SAMD12: variants seen among roughly 807,000 people sequenced by gnomAD.
SAMD12 encodes the protein sterile alpha motif domain-containing protein 12.
Under a neutral mutation model 15.0 loss-of-function variants are expected in SAMD12, and 9 were observed. That is an observed-to-expected ratio of 0.60 (90% CI 0.36 to 1.05). SAMD12 has a LOEUF of 1.05. Among genes scored for constraint, SAMD12 ranks in the 50% least tolerant of loss-of-function variants. SAMD12 has a pLI of 0.01. For synonymous variants in SAMD12, 86 were observed against 90.1 expected, an observed-to-expected ratio of 0.96 and a Z score of 0.25; for missense variants, 230 against 234.2, an observed-to-expected ratio of 0.98 and a Z score of 0.12.
intron 2 of SAMD12, among the ~76,000 whole-genome samples, chr8:118,450,849 C>A (rs1355045783): frequency 1.3e-5 from 2 of 152,114 alleles, no homozygotes; most frequent in African/African-American, 4.8e-5. Flanking sequence ...AGAGGCTTGG[C>A]ATGCATTTGC....
chr8:118,201,347 G>A (rs143487721), intron 4 of SAMD12, among the ~76,000 whole-genome samples: 76 of 151,950 alleles, frequency 5.0e-4, no homozygotes, highest in Middle Eastern at 3.4e-3. Flanking sequence ...CACCAACCCC[G>A]CCCTCTTTCA....
At chr8:118,497,583 G>C (rs982051739) in intron 2 of SAMD12, among the ~76,000 whole-genome samples, 2 of 151,960 alleles carry the variant, frequency 1.3e-5, no homozygotes, top group African/African-American at 4.8e-5. Flanking sequence ...GAGTGTGGGA[G>C]GAGGGGGAGG....
At chr8:118,186,942 C>T (rs1819252483), downstream of SAMD12, among the ~76,000 whole-genome samples, 1 of 152,132 alleles carries the variant, frequency 6.6e-6, no homozygotes, top group Admixed American at 6.6e-5. Flanking sequence ...ACATCTCCAC[C>T]CACACACTCG....
intron 2 of SAMD12, among the ~76,000 whole-genome samples, chr8:118,485,668 C>T (rs1423817388): frequency 6.6e-6 from 1 of 152,050 alleles, no homozygotes; most frequent in Non-Finnish European, 1.5e-5. Context: ...AGCCGAAATC[C>T]ATAAATAATT....
intron 2 of SAMD12, among the ~76,000 whole-genome samples, chr8:118,537,907 C>T (rs1825890159): frequency 6.6e-6 from 1 of 152,168 alleles, no homozygotes; most frequent in African/African-American, 2.4e-5. Context: ...GTAGTCTTCA[C>T]AGTCTGGGCT....
intron 2 of SAMD12, among the ~76,000 whole-genome samples, chr8:118,534,368 C>A (rs972570905): frequency 6.6e-6 from 1 of 152,048 alleles, no homozygotes; most frequent in Non-Finnish European, 1.5e-5. Flanking sequence ...CTCTGGCTGC[C>A]CTTAACATTT....
intron 2 of SAMD12, among the ~76,000 whole-genome samples, chr8:118,535,833 A>G (rs1825823329): frequency 6.6e-6 from 1 of 152,190 alleles, no homozygotes; most frequent in Middle Eastern, 3.2e-3. Flanking sequence ...CCGATTTTCC[A>G]GGTGCCTTCT....
chr8:118,276,173 T>C (rs1355056939), intron 4 of SAMD12, among the ~76,000 whole-genome samples: 3 of 152,214 alleles, frequency 2.0e-5, no homozygotes, highest in African/African-American at 7.2e-5. Flanking sequence ...CCAACCTTCT[T>C]CCTTGCATTG....
At chr8:118,547,376 C>T (rs1826162091) in intron 2 of SAMD12, among the ~76,000 whole-genome samples, 1 of 152,022 alleles carries the variant, frequency 6.6e-6, no homozygotes, top group South Asian at 2.1e-4. Context: ...GCTAGTTTCT[C>T]CCCTCTGTTA....
chr8:118,368,158 C>A (rs2130667410), intron 4 of SAMD12, among the ~76,000 whole-genome samples: 1 of 152,298 alleles, frequency 6.6e-6, no homozygotes, highest in East Asian at 1.9e-4. Flanking sequence ...CACAACATTT[C>A]TGCAAGGGTG....
intron 2 of SAMD12, among the ~76,000 whole-genome samples, chr8:118,469,791 G>A (rs1384097061): frequency 6.7e-6 from 1 of 150,286 alleles, no homozygotes; most frequent in African/African-American, 2.4e-5. Context: ...TCAATCTCCT[G>A]AACTCAGGTG....
intron 4 of SAMD12, among the ~76,000 whole-genome samples, chr8:118,220,877 G>T (rs2451132): frequency 0.56 from 84,812 of 152,010 alleles, 24,555 homozygotes; most frequent in Non-Finnish European, 0.63. Context: ...TATGCAAATA[G>T]GCAAAACCTG....
At chr8:118,383,692 T>G (rs776616846) in intron 3 of SAMD12, among the ~76,000 whole-genome samples, 1 of 152,168 alleles carries the variant, frequency 6.6e-6, no homozygotes, top group Non-Finnish European at 1.5e-5. Flanking sequence ...ATAACAGTAA[T>G]TAGGTGACCT....
chr8:118,463,085 A>C (rs1823478821), intron 2 of SAMD12, among the ~76,000 whole-genome samples: 1 of 133,440 alleles, frequency 7.5e-6, no homozygotes, highest in African/African-American at 2.9e-5. Flanking sequence ...TGGGCGACAG[A>C]GCGAAACTCC....
chr8:118,235,365 T>C (rs185657028), intron 4 of SAMD12, among the ~76,000 whole-genome samples: 3 of 152,164 alleles, frequency 2.0e-5, no homozygotes, highest in Admixed American at 2.0e-4. Flanking sequence ...CATGTGCCAC[T>C]ATGCCCAGCT....
Position 118,431,687 on chromosome 8 carries a change from CGTGTGTGTGTGT to C in SAMD12, c.322+8133_322+8144del, listed in dbSNP as rs56898456. 1.5e-3 allele frequency among the ~76,000 whole-genome samples: 220 copies of C among 147,466 alleles called. 1 individual carries two copies. The highest frequency in any genetic ancestry group is 5.0e-3 in the African/African-American group (199 of 39,826). On this transcript the variant is annotated intron_variant, in intron 3 of 3. Transcript: ENST00000314727. ...ACTCCTTTCAAAATTTTACCTTTGT[CGTGTGTGTGTGT>C]GTGTGTGTGTGTGTGTGTGTGTGTG...
the SAMD12 span, among the ~76,000 whole-genome samples, chr8:118,146,962 A>C: frequency 1.3e-5 from 2 of 152,172 alleles, no homozygotes; most frequent in Non-Finnish European, 2.9e-5. Context: ...TGCCATTTCC[A>C]TGCTAAATGG....
At chr8:118,395,416 GCTGTCT>G (rs1820505417) in intron 3 of SAMD12, among the ~76,000 whole-genome samples, 1 of 152,016 alleles carries the variant, frequency 6.6e-6, no homozygotes, top group Non-Finnish European at 1.5e-5. Flanking sequence ...CTCAAATTGA[GCTGTCT>G]CTTAAGACTC....
chr8:118,549,375 A>G (rs1299753395), intron 2 of SAMD12, among the ~76,000 whole-genome samples: 1 of 152,242 alleles, frequency 6.6e-6, no homozygotes, highest in Non-Finnish European at 1.5e-5. Flanking sequence ...TGGTTCACGA[A>G]AAACCACTGT....
Sources: gnomAD v4.1 joint callset for allele counts (sites outside exome capture counted in the v4.1 genomes callset) on GRCh38, gnomAD v4.1.1 for gene constraint, MANE v1.5 for transcripts, NCBI Gene and HGNC (gene_info 2026-07-23, HGNC 2026-07-21) for gene names.